KCTD1: variants seen among roughly 807,000 people sequenced by gnomAD.
The protein encoded by KCTD1 is potassium channel tetramerization domain containing 1.
KCTD1 carries 24 observed loss-of-function variants against 66.0 expected under a neutral mutation model. The ratio of observed to expected loss-of-function variants is 0.36; its 90% CI spans 0.26 to 0.51. The LOEUF (loss-of-function observed/expected upper bound fraction) is 0.51. Ranked by LOEUF, KCTD1 falls within the 20% of genes least tolerant of loss-of-function variation. The probability of loss-of-function intolerance (pLI) is 0.95; values close to 1 mark genes in which losing one functional copy is unlikely to be tolerated. For missense variants in KCTD1, 943 were observed against 1,205.2 expected (o/e 0.78, Z 3.22); for synonymous variants, 511 against 517.2 (o/e 0.99, Z 0.16).
In KCTD1 at chr18:26,455,647, G is replaced by T. The variant is rs1233052140; in HGVS notation, c.*96C>A. The stretch of plus-strand genomic sequence containing the variant: ...GTCTTTTATTCGATTTTACGTCCAG[G>T]ACTTGGTTTGCTGTCCCAACTGCAC... On this transcript the variant is annotated 3_prime_UTR_variant, in exon 5 of 5. Transcript: ENST00000580059. 4 of 1,497,918 alleles carry T rather than the reference G, an allele frequency of 2.7e-6. No individual in the cohort carries two copies. The highest frequency in any genetic ancestry group is 2.8e-6 in the Non-Finnish European group (3 of 1,086,110). The allele number at this position is 1,497,918 out of a possible 1,614,324, so 92.8% of individuals were successfully genotyped here.
intron 1 of KCTD1, among the ~76,000 whole-genome samples, chr18:26,556,338 C>T (rs1360627503): frequency 2.0e-5 from 3 of 152,152 alleles, no homozygotes. Flanking sequence ...CAGGGGAAGC[C>T]TCACCATTCT....
chr18:26,468,717 G>A lies in KCTD1; in HGVS notation c.2133+7798C>T, dbSNP rs763584649. Among the ~76,000 whole-genome samples the A allele has an allele frequency of 2.0e-5, 3 of 152,062 alleles. No homozygotes were observed. The highest frequency in any genetic ancestry group is 2.9e-5 in the Non-Finnish European group (2 of 68,018). On this transcript the variant is annotated intron_variant, in intron 3 of 4. Coordinates refer to ENST00000580059, the MANE Select transcript of KCTD1 (RefSeq NM_001142730.3). This position sits in a 1 kb window ranked among gnomAD's most constrained non-coding sequence, Gnocchi z 4.8. ...CTGTGGCGTGGTGGCGTGTGGTGGCGTGTGCCTGTAGTCCAGCTACTTGGG... is the reference window on the plus strand; with the variant it reads ...CTGTGGCGTGGTGGCGTGTGGTGGCATGTGCCTGTAGTCCAGCTACTTGGG...
At chr18:26,501,414 C>T (rs1021579017) in intron 1 of KCTD1, among the ~76,000 whole-genome samples, 164 bp from the exon 2 acceptor site, 2 of 152,108 alleles carry the variant, frequency 1.3e-5, no homozygotes, top group African/African-American at 4.8e-5. Context: ...ATCAGAAAAA[C>T]CAATTCTGTA....
intron 1 of KCTD1, among the ~76,000 whole-genome samples, chr18:26,619,685 C>T (rs558863066): frequency 6.6e-6 from 1 of 152,266 alleles, no homozygotes; most frequent in African/African-American, 2.4e-5. Flanking sequence ...AGACATCTGC[C>T]GGCAGTGCGG....
chr18:26,520,970 C>T (rs1023547677), intron 1 of KCTD1, among the ~76,000 whole-genome samples: 1 of 152,266 alleles, frequency 6.6e-6, no homozygotes, highest in Admixed American at 6.5e-5. Flanking sequence ...AAGGAGGCAG[C>T]AGAACCCCAC....
At chr18:26,520,165 A>G (rs1046289382) in intron 1 of KCTD1, among the ~76,000 whole-genome samples, 10 of 152,236 alleles carry the variant, frequency 6.6e-5, no homozygotes, top group Non-Finnish European at 1.0e-4. Flanking sequence ...GATCTGGTTC[A>G]TGATCATTTC....
At chr18:26,486,210 C>G (rs1039076390) in intron 2 of KCTD1, among the ~76,000 whole-genome samples, 3 of 152,174 alleles carry the variant, frequency 2.0e-5, no homozygotes, top group Admixed American at 6.5e-5. Context: ...TGCACCCGGC[C>G]CTGATTTAAT....
At chr18:26,646,041 T>A (rs186769636) in intron 1 of KCTD1, among the ~76,000 whole-genome samples, 107 of 152,330 alleles carry the variant, frequency 7.0e-4, no homozygotes, top group African/African-American at 2.5e-3. Context: ...AATGCTGAAG[T>A]CATATAGTAA....
At chr18:26,637,888 A>G (rs1987756815) in intron 1 of KCTD1, among the ~76,000 whole-genome samples, 1 of 152,242 alleles carries the variant, frequency 6.6e-6, no homozygotes, top group African/African-American at 2.4e-5. Flanking sequence ...TGAGAATTGA[A>G]TAAGAGGGTG....
At chr18:26,616,561 C>A (rs1987259842) in intron 1 of KCTD1, among the ~76,000 whole-genome samples, 1 of 151,706 alleles carries the variant, frequency 6.6e-6, no homozygotes, top group Non-Finnish European at 1.5e-5. Context: ...ACTCTGTCAC[C>A]CAGGCTGGAG....
At chr18:26,493,382 T>C (rs966125206) in intron 2 of KCTD1, among the ~76,000 whole-genome samples, 1 of 149,718 alleles carries the variant, frequency 6.7e-6, no homozygotes, top group African/African-American at 2.4e-5. Context: ...CTTGAAAATA[T>C]AGATGAACAA....
intron 1 of KCTD1, among the ~76,000 whole-genome samples, chr18:26,615,858 T>A (rs1286395712): frequency 6.6e-6 from 1 of 152,168 alleles, no homozygotes; most frequent in Non-Finnish European, 1.5e-5. Context: ...TGGCACTGTC[T>A]CAGCTCACTG....
chr18:26,620,381 AAAAAC>A (rs1987351570), intron 1 of KCTD1, among the ~76,000 whole-genome samples: 11 of 113,514 alleles, frequency 9.7e-5, no homozygotes, highest in East Asian at 8.6e-4. Context: ...AAAAAAAAAA[AAAAAC>A]TATAACAAGT....
intron 1 of KCTD1, among the ~76,000 whole-genome samples, chr18:26,590,052 G>GTTTTTT (rs2144941788): frequency 6.6e-6 from 1 of 152,162 alleles, no homozygotes; most frequent in Non-Finnish European, 1.5e-5. Context: ...CCCTATCTCT[G>GTTTTTT]TACTTCATAA....
intron 1 of KCTD1, among the ~76,000 whole-genome samples, chr18:26,534,075 TA>T (rs1984576040): frequency 6.6e-6 from 1 of 152,190 alleles, no homozygotes; most frequent in African/African-American, 2.4e-5. Context: ...TCAATTTGTA[TA>T]TTTTTTTATG....
At chr18:26,500,782 T>C (rs999849160) in intron 2 of KCTD1, among the ~76,000 whole-genome samples, 1 of 152,204 alleles carries the variant, frequency 6.6e-6, no homozygotes, top group Non-Finnish European at 1.5e-5. Context: ...TCACCATCTT[T>C]TTTTGTACTA....
intron 1 of KCTD1, among the ~76,000 whole-genome samples, chr18:26,607,527 A>G (rs561847823): frequency 6.6e-6 from 1 of 152,296 alleles, no homozygotes; most frequent in South Asian, 2.1e-4. Context: ...TTTCTCTTTT[A>G]TTCTCTTTCT....
intron 3 of KCTD1, among the ~76,000 whole-genome samples, chr18:26,463,699 G>C (rs960130331): frequency 1.3e-4 from 20 of 152,212 alleles, no homozygotes; most frequent in African/African-American, 4.8e-4. Flanking sequence ...ACTACGCCCG[G>C]CTAATTTTTG....
intron 3 of KCTD1, among the ~76,000 whole-genome samples, chr18:26,466,173 A>G (rs2144558283): frequency 6.6e-6 from 1 of 152,252 alleles, no homozygotes; most frequent in South Asian, 2.1e-4. Context: ...CCTAGAAGCA[A>G]TGTGTGTGTT....
Sources: gnomAD v4.1 joint callset for allele counts (sites outside exome capture counted in the v4.1 genomes callset) on GRCh38, gnomAD v4.1.1 for gene constraint, Gnocchi (gnomAD v3.1) non-coding constraint, MANE v1.5 for transcripts, NCBI Gene and HGNC (gene_info 2026-07-23, HGNC 2026-07-21) for gene names.